Variants in SCAPER observed in about 807,000 individuals in gnomAD.
The protein encoded by SCAPER is S-phase cyclin A associated protein in the ER, also known as S phase cyclin A-associated protein in the endoplasmic reticulum.
In SCAPER, 98 loss-of-function variants were observed where a neutral mutation model predicts 182.2. That is an observed-to-expected ratio of 0.54 (90% CI 0.46 to 0.64). The LOEUF (loss-of-function observed/expected upper bound fraction) is 0.64. SCAPER is among the 30% of genes least tolerant of loss of function. SCAPER has a pLI of 0.00. For missense variants in SCAPER, 1,432 were observed against 1,690.0 expected, an observed-to-expected ratio of 0.85 and a Z score of 2.68; for synonymous variants, 605 against 564.6, an observed-to-expected ratio of 1.07 and a Z score of -1.01.
At chr15:76,669,748 G>C (rs1217562194) in intron 20 of SCAPER, among the ~76,000 whole-genome samples, 2 of 152,138 alleles carry the variant, frequency 1.3e-5, no homozygotes, top group Non-Finnish European at 2.9e-5. Flanking sequence ...ACAAGATCAA[G>C]GTTTTTTATT....
intron 2 of SCAPER, among the ~76,000 whole-genome samples, chr15:76,870,238 G>A (rs1389267554): frequency 6.6e-6 from 1 of 152,114 alleles, no homozygotes; most frequent in Non-Finnish European, 1.5e-5. Context: ...AAAATAGCTA[G>A]AAAAGAATAA....
chr15:76,780,553 G>C (rs2064056646), intron 8 of SCAPER, among the ~76,000 whole-genome samples: 1 of 152,216 alleles, frequency 6.6e-6, no homozygotes, highest in East Asian at 1.9e-4. Flanking sequence ...TTTGAGCTCA[G>C]AGAACAGACA....
chr15:76,899,503 G>T (rs368772822), intron 1 of SCAPER, among the ~76,000 whole-genome samples: 1 of 152,168 alleles, frequency 6.6e-6, no homozygotes, highest in Non-Finnish European at 1.5e-5. Flanking sequence ...GCCTGATCTC[G>T]GCTCACTACA....
chr15:76,535,171 T>A (rs1347080172), intron 23 of SCAPER, among the ~76,000 whole-genome samples: 1 of 152,154 alleles, frequency 6.6e-6, no homozygotes, highest in Non-Finnish European at 1.5e-5. Flanking sequence ...TAATTTTTCA[T>A]GCCCATGACA....
chr15:76,449,966 G>C (rs899269785), intron 25 of SCAPER, among the ~76,000 whole-genome samples: 4 of 152,144 alleles, frequency 2.6e-5, no homozygotes, highest in African/African-American at 7.2e-5. Context: ...AATATTTTAT[G>C]CTTTGCAGGT....
intron 22 of SCAPER, among the ~76,000 whole-genome samples, chr15:76,620,076 C>A (rs886097389): frequency 2.6e-5 from 4 of 151,530 alleles, no homozygotes; most frequent in Non-Finnish European, 5.9e-5. Context: ...ACTCTGTCTT[C>A]AAAAAATATA....
intron 23 of SCAPER, among the ~76,000 whole-genome samples, chr15:76,553,097 C>T (rs1285497745): frequency 6.6e-6 from 1 of 152,216 alleles, no homozygotes; most frequent in Non-Finnish European, 1.5e-5. Context: ...GCACCCCCCA[C>T]CCCCTACTGC....
At chr15:76,524,758 CATGAA>C (rs142455172) in intron 23 of SCAPER, among the ~76,000 whole-genome samples, 1 of 124,590 alleles carries the variant, frequency 8.0e-6, no homozygotes, top group East Asian at 2.6e-4. Flanking sequence ...AGAGTGTATG[CATGAA>C]ATGAAACAAG....
At position 76,859,930 on chromosome 15, in the gene SCAPER, G is replaced by T. The variant is rs2071737678; in HGVS notation, c.125-2051C>A. On this transcript the variant is annotated intron_variant, in intron 3 of 31. Transcript: ENST00000563290. ...GAGGTTTCACCATGTTGCCCAGGCT[G>T]GTCTCGAACTCCTGAGCTCAGGCAA... Among the ~76,000 whole-genome samples, 3 of 152,174 alleles carry T rather than the reference G, an allele frequency of 2.0e-5. No individual in the cohort carries two copies. The South Asian group carries it at 6.2e-4, about 32-fold the overall frequency.
chr15:76,382,748 C>T (rs550852781), intron 27 of SCAPER, among the ~76,000 whole-genome samples: 6 of 152,248 alleles, frequency 3.9e-5, no homozygotes, highest in South Asian at 4.1e-4. Context: ...GGATGCCACA[C>T]GTCACAATCA....
At chr15:76,413,694 C>T (rs1188010124) in intron 26 of SCAPER, among the ~76,000 whole-genome samples, 1 of 152,146 alleles carries the variant, frequency 6.6e-6, no homozygotes, top group East Asian at 1.9e-4. Context: ...ATTTTTAGCC[C>T]ATTTTAAAGA....
chr15:76,623,715 G>C (rs1399624365), intron 21 of SCAPER, among the ~76,000 whole-genome samples: 2 of 152,132 alleles, frequency 1.3e-5, no homozygotes, highest in Non-Finnish European at 2.9e-5. Flanking sequence ...GCTTAGGATT[G>C]CTTTGGCTCT....
At chr15:76,580,439 T>C (rs1352376092) in intron 22 of SCAPER, among the ~76,000 whole-genome samples, 1 of 152,120 alleles carries the variant, frequency 6.6e-6, no homozygotes, top group African/African-American at 2.4e-5. Context: ...ATGAAGAAGT[T>C]GAGAAAAAAA....
At chr15:76,422,383 T>C (rs1483696397) in intron 26 of SCAPER, among the ~76,000 whole-genome samples, 2 of 152,218 alleles carry the variant, frequency 1.3e-5, no homozygotes, top group African/African-American at 4.8e-5. Flanking sequence ...TTGAAGCAAT[T>C]GTGAATGGGA....
chr15:76,613,928 T>G (rs913279963), intron 22 of SCAPER, among the ~76,000 whole-genome samples: 4 of 151,574 alleles, frequency 2.6e-5, no homozygotes, highest in African/African-American at 9.7e-5. Flanking sequence ...CAAAGGAATA[T>G]AAAGATACAT....
intron 3 of SCAPER, among the ~76,000 whole-genome samples, chr15:76,862,119 G>A (rs2071924897): frequency 6.6e-6 from 1 of 151,988 alleles, no homozygotes. Flanking sequence ...ATTTGGGTGG[G>A]GAGACAAAGC....
chr15:76,574,141 A>G lies in SCAPER; in HGVS notation c.2838+17T>C. 3.1e-6 allele frequency: 5 copies of G among 1,590,202 alleles called. No homozygotes were observed. In the South Asian group the frequency reaches 5.7e-5, roughly 18 times the overall value. ...TCACAAAGATTAAGGTTCAAAAGCC[A>G]GATATTAGTTACACACCTCTTTTTC... On this transcript the variant is annotated intron_variant, in intron 23 of 31. Transcript: ENST00000563290.
chr15:76,469,475 GA>G (rs1314966007), intron 25 of SCAPER, among the ~76,000 whole-genome samples: 2 of 152,114 alleles, frequency 1.3e-5, no homozygotes, highest in Non-Finnish European at 2.9e-5. Flanking sequence ...GATCTTACTT[GA>G]ATTTCCAAGT....
chr15:76,795,214 A>C (rs1480461854), intron 8 of SCAPER, 66 bp downstream of exon 8: 5 of 1,388,012 alleles, frequency 3.6e-6, no homozygotes, highest in Non-Finnish European at 4.9e-6. Flanking sequence ...CCAATTTTAA[A>C]CAAAATAAGT....
Sources: gnomAD v4.1 joint callset for allele counts (sites outside exome capture counted in the v4.1 genomes callset) on GRCh38, gnomAD v4.1.1 for gene constraint, MANE v1.5 for transcripts, NCBI Gene and HGNC (gene_info 2026-07-23, HGNC 2026-07-21) for gene names.